Variants in KIF26B observed in about 807,000 individuals in gnomAD.
KIF26B encodes the protein kinesin-like protein KIF26B.
Under a neutral mutation model 151.2 loss-of-function variants are expected in KIF26B, and 63 were observed. The observed-to-expected ratio is 0.42, with a 90% CI of 0.34 to 0.51. The LOEUF (loss-of-function observed/expected upper bound fraction) is 0.51. Ranked by LOEUF, KIF26B falls within the 20% of genes least tolerant of loss-of-function variation. KIF26B has a pLI of 0.07. For synonymous variants in KIF26B, 1,357 were observed against 1,262.1 expected (o/e 1.08, Z -1.59); for missense variants, 2,813 against 2,913.6 (o/e 0.97, Z 0.79).
chr1:245,701,778 C>T (rs2044775681), intron 14 of KIF26B, among the ~76,000 whole-genome samples: 1 of 152,174 alleles, frequency 6.6e-6, no homozygotes. Context: ...GCCTGGGGTT[C>T]CAGGGCCATC....
At chr1:245,494,549 C>T (rs533463334) in intron 4 of KIF26B, among the ~76,000 whole-genome samples, 1 of 152,092 alleles carries the variant, frequency 6.6e-6, no homozygotes, top group African/African-American at 2.4e-5. Context: ...GAGTCTCTAC[C>T]TTTCTCATAA....
chr1:245,693,724 C>T (rs115450732), intron 12 of KIF26B, among the ~76,000 whole-genome samples: 28 of 152,208 alleles, frequency 1.8e-4, no homozygotes, highest in Admixed American at 3.9e-4. Flanking sequence ...TGCTCCTCAC[C>T]GAGGGCACCA....
chr1:245,561,940 C>T (rs1018725433), intron 5 of KIF26B, among the ~76,000 whole-genome samples: 33 of 152,262 alleles, frequency 2.2e-4, no homozygotes, highest in African/African-American at 7.2e-4. Flanking sequence ...CTCTTTACAG[C>T]TTTCTGTGGC....
At chr1:245,450,695 C>T (rs967141394) in intron 4 of KIF26B, among the ~76,000 whole-genome samples, 2 of 152,090 alleles carry the variant, frequency 1.3e-5, no homozygotes, top group African/African-American at 4.8e-5. Flanking sequence ...GATTTAGAGT[C>T]AAAAGTGTTT....
rs141468283 is a variant in KIF26B at position 245,693,356 on chromosome 1, C to T, written c.5824+4549C>T. Among the ~76,000 whole-genome samples the T allele has an allele frequency of 1.2e-4, 18 of 152,308 alleles. No individual in the cohort carries two copies. The East Asian group carries it at 3.1e-3, about 26-fold the overall frequency. Reference sequence around the variant, plus strand: ...ACATGAGCAAGGCCTGTTCTGCGCTCGACCCAGCCTGCTTGGTGCCCAGCA... The same window carrying T: ...ACATGAGCAAGGCCTGTTCTGCGCTTGACCCAGCCTGCTTGGTGCCCAGCA... On this transcript the variant is annotated intron_variant, in intron 12 of 14. Coordinates refer to ENST00000407071, the MANE Select transcript of KIF26B (RefSeq NM_018012.4).
At position 245,512,272 on chromosome 1, in the gene KIF26B, T is replaced by A. The variant is rs1326573284; in HGVS notation, c.1167-28495T>A. Among the ~76,000 whole-genome samples the A allele has an allele frequency of 6.6e-6, 1 of 151,008 alleles. No individual in the cohort carries two copies. Among genetic ancestry groups the A allele is most frequent in the Non-Finnish European group, 1.5e-5 (1 of 67,806 alleles). On this transcript the variant is annotated intron_variant, in intron 4 of 14. Transcript: ENST00000407071. This position sits in a 1 kb window ranked among gnomAD's most constrained non-coding sequence, Gnocchi z 4.3. ...AGGCAGAGCTACTGTCCCTCCCACC[T>A]GTCCACCCTGCCTGTTTCCCAGCCC...
chr1:245,521,333 T>C (rs1329754961), intron 4 of KIF26B, among the ~76,000 whole-genome samples: 1 of 140,458 alleles, frequency 7.1e-6, no homozygotes, highest in Non-Finnish European at 1.6e-5. Flanking sequence ...AGAGCGAGAC[T>C]CCGTCTTAAA....
At chr1:245,176,179 A>C (rs1318246264) in intron 2 of KIF26B, among the ~76,000 whole-genome samples, 2 of 151,876 alleles carry the variant, frequency 1.3e-5, no homozygotes. Flanking sequence ...TTGTATTTTT[A>C]GTAGAGACGG....
At chr1:245,269,687 A>G (rs928408930) in intron 2 of KIF26B, among the ~76,000 whole-genome samples, 1 of 151,446 alleles carries the variant, frequency 6.6e-6, no homozygotes, top group Non-Finnish European at 1.5e-5. Flanking sequence ...CTGATCTCGA[A>G]CTCCTGATCT....
At chr1:245,291,211 G>A (rs952986549) in intron 2 of KIF26B, among the ~76,000 whole-genome samples, 6 of 152,214 alleles carry the variant, frequency 3.9e-5, no homozygotes, top group African/African-American at 1.4e-4. Context: ...TAAAGGGAAG[G>A]AAAACTGACT....
At chr1:245,362,879 T>A (rs1173741644) in intron 2 of KIF26B, among the ~76,000 whole-genome samples, 1 of 152,198 alleles carries the variant, frequency 6.6e-6, no homozygotes, top group East Asian at 1.9e-4. Flanking sequence ...ATCCTTACAC[T>A]TAAAACTTTA....
At chr1:245,212,694 A>G (rs1669564111) in intron 2 of KIF26B, among the ~76,000 whole-genome samples, 1 of 152,092 alleles carries the variant, frequency 6.6e-6, no homozygotes, top group African/African-American at 2.4e-5. Context: ...ACTTGGTGTA[A>G]CTTTGCGTGC....
intron 5 of KIF26B, among the ~76,000 whole-genome samples, chr1:245,595,573 T>C (rs2043329909): frequency 1.3e-5 from 2 of 152,224 alleles, no homozygotes; most frequent in Admixed American, 1.3e-4. Context: ...CAGTATTTTA[T>C]TGAGGATTTT....
intron 2 of KIF26B, among the ~76,000 whole-genome samples, chr1:245,362,589 G>A (rs1188828310): frequency 1.3e-5 from 2 of 151,856 alleles, no homozygotes; most frequent in Admixed American, 6.6e-5. Flanking sequence ...GAGCTGGCAT[G>A]TTGGGAGTAT....
rs140197323 is a variant in KIF26B, at chr1:245,212,187, C to T, written c.465+55504C>T. ...TTGGTAATTTTACGGTTGGGGTCTC[C>T]GTCTTAGAAGCAATTTCCCATAATT... On this transcript the variant is annotated intron_variant, in intron 2 of 14. Coordinates refer to ENST00000407071, the MANE Select transcript of KIF26B (RefSeq NM_018012.4). Among the ~76,000 whole-genome samples, 15 of 152,254 alleles carry T rather than the reference C, an allele frequency of 9.9e-5. No individual in the cohort carries two copies. The East Asian group carries it at 1.5e-3, about 16-fold the overall frequency.
chr1:245,264,892 CA>C (rs983808846), intron 2 of KIF26B, among the ~76,000 whole-genome samples: 1 of 138,924 alleles, frequency 7.2e-6, no homozygotes, highest in African/African-American at 2.7e-5. Context: ...GACTCCGTCT[CA>C]AAAAAAACAA....
chr1:245,290,234 T>G lies in KIF26B; in HGVS notation c.466-76600T>G, dbSNP rs190304786. ...GGAAGTAGTGTCTGTCTCACCTAGG[T>G]ATACCTTACTCATGTCTGCATTTTC... is the stretch of plus-strand genomic sequence containing the variant. On this transcript the variant is annotated intron_variant, in intron 2 of 14. Coordinates refer to ENST00000407071, the MANE Select transcript of KIF26B (RefSeq NM_018012.4). 3.9e-5 allele frequency among the ~76,000 whole-genome samples: 6 copies of G among 152,278 alleles called. No homozygotes were observed. The East Asian group carries it at 1.2e-3, about 29-fold the overall frequency.
chr1:245,430,611 G>C (rs1232145890), intron 4 of KIF26B, among the ~76,000 whole-genome samples: 1 of 152,148 alleles, frequency 6.6e-6, no homozygotes, highest in Non-Finnish European at 1.5e-5. Flanking sequence ...AGGCTGCAGT[G>C]AGCTACGATC....
In KIF26B at chr1:245,367,454, C is replaced by A; in HGVS notation, c.999+87C>A. The A allele has an allele frequency of 1.6e-6, 2 of 1,235,264 alleles. No homozygotes were observed. Among genetic ancestry groups the A allele is most frequent in the Non-Finnish European group, 2.2e-6 (2 of 899,184 alleles). The allele number at this position is 1,235,264 out of a possible 1,614,324, so 76.5% of individuals were successfully genotyped here. On this transcript the variant is annotated intron_variant, in intron 3 of 14. Coordinates refer to ENST00000407071, the MANE Select transcript of KIF26B (RefSeq NM_018012.4). This position sits in a 1 kb window ranked among gnomAD's most constrained non-coding sequence, Gnocchi z 4.2. ...CAGCACTTCCTTCCGCTGCCTCCTC[C>A]CGGGAACCCTGTAACTCAGAGCCCA...
Sources: allele counts gnomAD v4.1 joint callset (sites outside exome capture counted in the v4.1 genomes callset), GRCh38; gene constraint gnomAD v4.1.1; non-coding constraint Gnocchi (gnomAD v3.1); transcripts MANE v1.5; gene names NCBI Gene and HGNC (gene_info 2026-07-23, HGNC 2026-07-21).